Variants in SYNPO2 observed in about 807,000 individuals in gnomAD.
SYNPO2 encodes the protein synaptopodin 2, also known as synaptopodin-2.
Under a neutral mutation model 85.0 loss-of-function variants are expected in SYNPO2, and 56 were observed. The ratio of observed to expected loss-of-function variants is 0.66; its 90% CI spans 0.53 to 0.82. SYNPO2 has a LOEUF of 0.82. Among genes scored for constraint, SYNPO2 ranks in the 40% least tolerant of loss-of-function variants. The pLI is 0.00. For missense variants in SYNPO2, 1,575 were observed against 1,534.2 expected (o/e 1.03, Z -0.44); for synonymous variants, 602 against 591.1 (o/e 1.02, Z -0.27).
chr4:118,876,663 CTTTCTCTTTCTT>C (rs1182052116), intron 1 of SYNPO2, among the ~76,000 whole-genome samples: 2 of 136,554 alleles, frequency 1.5e-5, no homozygotes, highest in African/African-American at 2.6e-5. Context: ...TCCTTCCTTC[CTTTCTCTTTCTT>C]TCTTTCTTTC....
intron 4 of SYNPO2, chr4:119,036,828 T>C (rs1480027457): frequency 1.9e-6 from 2 of 1,047,046 alleles, no homozygotes; most frequent in East Asian, 1.4e-4. Context: ...TCAGAGGCAA[T>C]TGAATAAAGA....
intron 1 of SYNPO2, among the ~76,000 whole-genome samples, chr4:118,874,420 C>A (rs1337282621): frequency 6.6e-6 from 1 of 151,922 alleles, no homozygotes; most frequent in African/African-American, 2.4e-5. Context: ...CAAATTAATC[C>A]CTGTTAAAAG....
At chr4:118,943,157 AG>A (rs1305205265) in intron 1 of SYNPO2, among the ~76,000 whole-genome samples, 1 of 152,146 alleles carries the variant, frequency 6.6e-6, no homozygotes, top group African/African-American at 2.4e-5. Flanking sequence ...ACTTTATTAA[AG>A]GATGGTGTGT....
chr4:118,963,683 C>T (rs1735191447), intron 1 of SYNPO2, among the ~76,000 whole-genome samples: 1 of 152,110 alleles, frequency 6.6e-6, no homozygotes, highest in Middle Eastern at 3.2e-3. Context: ...TGATCAAATT[C>T]TCAGGGAAAT....
Position 119,057,773 on chromosome 4 carries a change from A to G in SYNPO2, c.3625A>G (p.Thr1209Ala), listed in dbSNP as rs1739260493. ...TGTCACAGCCAATAATAATATGTCC[A>G]CCACCTCCCAATATGGTTCACAGTT... is the stretch of plus-strand genomic sequence containing the variant. ...YNVTANNNMS[T>A]TSQYGSQLPY... Residue 1209 changes from threonine to alanine, a missense_variant, in exon 5 of 5, where the codon ACC (threonine) becomes GCC (alanine). Around this residue, in one of 3 missense-constraint regions of SYNPO2, gnomAD observed 1,508 missense variants for 1,446.8 expected, o/e 1.04. Coordinates refer to ENST00000307142, the MANE Select transcript of SYNPO2 (RefSeq NM_133477.3). 6.2e-7 allele frequency: 1 copy of G among 1,613,968 alleles called. No homozygotes were observed. The highest frequency in any genetic ancestry group is 1.3e-5 in the African/African-American group (1 of 74,902).
intron 1 of SYNPO2, among the ~76,000 whole-genome samples, chr4:118,982,015 A>G (rs1469466149): frequency 1.3e-5 from 2 of 152,144 alleles, no homozygotes; most frequent in African/African-American, 4.8e-5. Context: ...CTAATACATA[A>G]CCTAAGGAGG....
At chr4:118,954,407 A>G (rs902083888) in intron 1 of SYNPO2, among the ~76,000 whole-genome samples, 4 of 152,186 alleles carry the variant, frequency 2.6e-5, no homozygotes, top group African/African-American at 9.7e-5. Flanking sequence ...AAATGGTAAT[A>G]CAAAGTGCCC....
In SYNPO2 at chr4:119,035,243, C is replaced by T. The variant is rs553056614; in HGVS notation, c.3252+3216C>T. The T allele has an allele frequency of 6.2e-5, 61 of 985,370 alleles. No homozygotes were observed. In the East Asian group the frequency reaches 1.4e-3, roughly 22 times the overall value. The allele number at this position is 985,370 out of a possible 1,614,324, so 61.0% of individuals were successfully genotyped here. A position where few individuals can be genotyped will look rare whatever the true frequency, so the allele number is the denominator to read the frequency against. ...TCATGTGTCAAACCTCTCTTCCTGA[C>T]GGGAATGTTGTGCTATAATGAATCT... On this transcript the variant is annotated intron_variant, in intron 4 of 4. Coordinates refer to ENST00000307142, the MANE Select transcript of SYNPO2 (RefSeq NM_133477.3).
intron 1 of SYNPO2, among the ~76,000 whole-genome samples, chr4:119,016,953 A>G (rs745558062): frequency 2.0e-5 from 3 of 152,172 alleles, no homozygotes; most frequent in African/African-American, 2.4e-5. Flanking sequence ...GGTTGCTACC[A>G]TGAATACTTT....
chr4:119,008,669 A>G (rs1460070271), intron 1 of SYNPO2, among the ~76,000 whole-genome samples: 1 of 152,174 alleles, frequency 6.6e-6, no homozygotes, highest in Non-Finnish European at 1.5e-5. Flanking sequence ...AATTTTTAAG[A>G]TTATAAAAGT....
chr4:119,038,060 C>T, intron 4 of SYNPO2: 1 of 841,514 alleles, frequency 1.2e-6, no homozygotes, highest in Non-Finnish European at 1.4e-6. Context: ...AATCACTAAG[C>T]TTATAAGCAG....
At chr4:118,986,558 C>T (rs146093685) in intron 1 of SYNPO2, among the ~76,000 whole-genome samples, 354 of 152,312 alleles carry the variant, frequency 2.3e-3, no homozygotes, top group African/African-American at 8.1e-3. Context: ...TCTATGAGAA[C>T]ATCACTGGCC....
At chr4:118,974,233 G>A (rs180678529) in intron 1 of SYNPO2, among the ~76,000 whole-genome samples, 2 of 152,380 alleles carry the variant, frequency 1.3e-5, no homozygotes, top group East Asian at 1.9e-4. Flanking sequence ...TCAGTGGGAT[G>A]AGATAGAAAA....
At chr4:118,872,740 A>G (rs1248393333) in intron 1 of SYNPO2, among the ~76,000 whole-genome samples, 3 of 152,118 alleles carry the variant, frequency 2.0e-5, no homozygotes, top group Non-Finnish European at 4.4e-5. Flanking sequence ...CATGAGATCC[A>G]AGAACTCTCT....
intron 1 of SYNPO2, among the ~76,000 whole-genome samples, chr4:119,005,576 C>T (rs1737004522): frequency 7.7e-6 from 1 of 130,392 alleles, no homozygotes; most frequent in African/African-American, 2.6e-5. Flanking sequence ...TGTTCTGTTC[C>T]ATTGGTCTAT....
chr4:118,879,482 A>G (rs1578514380), intron 1 of SYNPO2, among the ~76,000 whole-genome samples: 1 of 152,194 alleles, frequency 6.6e-6, no homozygotes, highest in Non-Finnish European at 1.5e-5. Flanking sequence ...GAGAGACACA[A>G]GAGAGATGAT....
chr4:118,889,563 C>CTAT, intron 1 of SYNPO2, among the ~76,000 whole-genome samples: 1 of 152,088 alleles, frequency 6.6e-6, no homozygotes, highest in East Asian at 1.9e-4. Context: ...TTTGGGGACT[C>CTAT]ATATAGAGTG....
intron 1 of SYNPO2, among the ~76,000 whole-genome samples, chr4:118,906,569 A>G (rs748626977): frequency 7.2e-5 from 11 of 152,206 alleles, no homozygotes; most frequent in Non-Finnish European, 1.6e-4. Flanking sequence ...ATGAGTGGTC[A>G]TATTGTCTCA....
intron 1 of SYNPO2, among the ~76,000 whole-genome samples, chr4:118,943,791 A>G (rs1365551704): frequency 1.3e-5 from 2 of 152,232 alleles, no homozygotes; most frequent in African/African-American, 4.8e-5. Context: ...CTCTAAAGGC[A>G]ATTTTAAAAT....
Sources: gnomAD v4.1 joint callset for allele counts (sites outside exome capture counted in the v4.1 genomes callset) on GRCh38, gnomAD v4.1.1 for gene constraint, gnomAD v4.1.1 regional missense constraint, MANE v1.5 for transcripts, NCBI Gene and HGNC (gene_info 2026-07-23, HGNC 2026-07-21) for gene names.